Variants in CPLANE1 observed in about 807,000 individuals in gnomAD.
CPLANE1 encodes the protein ciliogenesis and planar polarity effector 1.
In CPLANE1, 263 loss-of-function variants were observed where a neutral mutation model predicts 362.5. That is an observed-to-expected ratio of 0.73 (90% CI 0.66 to 0.80). The LOEUF (loss-of-function observed/expected upper bound fraction) is 0.80. CPLANE1 is among the 30% of genes least tolerant of loss of function. CPLANE1 has a pLI of 0.00. For synonymous variants in CPLANE1, 1,212 were observed against 1,302.6 expected (o/e 0.93, Z 1.50); for missense variants, 3,461 against 3,793.4 (o/e 0.91, Z 2.30).
intron 16 of CPLANE1, among the ~76,000 whole-genome samples, chr5:37,213,217 G>C (rs540354240): frequency 6.6e-6 from 1 of 152,018 alleles, no homozygotes; most frequent in Non-Finnish European, 1.5e-5. Context: ...TCAAAAAAAA[G>C]AAAAGATTGT....
At chr5:37,227,843 G>T in intron 9 of CPLANE1, 26 bp from the exon 10 acceptor site, 1 of 1,515,744 alleles carries the variant, frequency 6.6e-7, no homozygotes. Flanking sequence ...CAAAATACAA[G>T]AATCAGTAAG....
Position 37,226,368 on chromosome 5 carries a change from AC to A in CPLANE1, c.2226del (p.Trp742CysfsTer13), listed in dbSNP as rs1462664862. On this transcript the variant is annotated frameshift_variant, in exon 12 of 53. Coordinates refer to ENST00000651892, the MANE Select transcript of CPLANE1 (RefSeq NM_001384732.1). ...TGAATCTTGAAAAATGAGTTCCAAG[AC>A]CAGTTTTTCTGAAAACCACTATCTT... The part of the protein sequence containing the change: ...MFQDSGFQKN[W>X]SWNSFFKIHP... 6.5e-7 allele frequency: 1 copy of A among 1,548,764 alleles called. No individual in the cohort carries two copies.
chr5:37,206,168 A>G, intron 17 of CPLANE1, 29 bp downstream of exon 17: 18 of 1,338,770 alleles, frequency 1.3e-5, no homozygotes, highest in Non-Finnish European at 1.8e-5. Context: ...CAATCATACT[A>G]TATCTTAAAA....
chr5:37,114,834 G>A, intron 51 of CPLANE1, 126 bp downstream of exon 51: 1 of 599,816 alleles, frequency 1.7e-6, no homozygotes, highest in Non-Finnish European at 2.9e-6. Context: ...CGGGAGTGGA[G>A]GTTACAGTGA....
chr5:37,120,215 CCATGT>C lies in CPLANE1; in HGVS notation c.9306_9310del (p.His3103AsnfsTer32). 6.3e-7 allele frequency: 1 copy of C among 1,599,106 alleles called. No homozygotes were observed. Among genetic ancestry groups the C allele is most frequent in the Non-Finnish European group, 8.5e-7 (1 of 1,176,362 alleles). The stretch of plus-strand genomic sequence containing the variant: ...ATTTATAAAAAAGCTTTAAGTCTTA[CCATGT>C]GGCCAAGGTGAGCCTTGAGGTTGCC... On this transcript the variant is annotated frameshift_variant and splice_region_variant, in exon 50 of 53. Transcript: ENST00000651892. LOFTEE classifies it high-confidence loss of function.
intron 37 of CPLANE1, among the ~76,000 whole-genome samples, chr5:37,163,569 T>C (rs1777441797): frequency 6.6e-6 from 1 of 152,204 alleles, no homozygotes; most frequent in South Asian, 2.1e-4. Context: ...AAAGTATTAA[T>C]TATGGAGCAT....
At chr5:37,088,555 A>G in the CPLANE1 span, among the ~76,000 whole-genome samples, 1 of 152,210 alleles carries the variant, frequency 6.6e-6, no homozygotes, top group East Asian at 1.9e-4. Context: ...TGGGCAAATC[A>G]GTGCATGTGT....
rs780923577 is a variant in CPLANE1 at position 37,209,564 on chromosome 5, C to T, written c.2921-3139G>A. ...CTCAGTCCATTTCAGTGCAAGGGAG[C>T]TCCCTCTTAATAAGTGCCTCTAACT... On this transcript the variant is annotated intron_variant, in intron 16 of 52. Transcript: ENST00000651892. This position sits in a 1 kb window ranked among gnomAD's most constrained non-coding sequence, Gnocchi z 4.6. 8.6e-5 allele frequency: 114 copies of T among 1,329,402 alleles called. No homozygotes were observed. The highest frequency in any genetic ancestry group is 1.2e-4 in the Non-Finnish European group (107 of 921,962). The allele number at this position is 1,329,402 out of a possible 1,614,324, so 82.4% of individuals were successfully genotyped here.
intron 29 of CPLANE1, among the ~76,000 whole-genome samples, chr5:37,178,744 C>G (rs1384913987): frequency 6.6e-6 from 1 of 151,910 alleles, no homozygotes; most frequent in African/African-American, 2.4e-5. Context: ...AAGTATACTA[C>G]AGCTGAATTA....
chr5:37,100,533 C>T, the CPLANE1 span, among the ~76,000 whole-genome samples: 2 of 152,184 alleles, frequency 1.3e-5, no homozygotes, highest in Non-Finnish European at 2.9e-5. Flanking sequence ...ACTTTGAAGT[C>T]AGGTAGCATG....
intron 34 of CPLANE1, 30 bp downstream of exon 34, chr5:37,168,761 C>T (rs748754471): frequency 6.0e-5 from 94 of 1,573,292 alleles, no homozygotes; most frequent in Middle Eastern, 1.7e-4. Context: ...CAGGACACTG[C>T]TTTTGCATTA....
chr5:37,112,336 C>CATA (rs1425839863), intron 51 of CPLANE1, among the ~76,000 whole-genome samples: 2 of 152,144 alleles, frequency 1.3e-5, no homozygotes, highest in African/African-American at 4.8e-5. Flanking sequence ...TAATTTCCTT[C>CATA]CTTTCAGATC....
chr5:37,212,756 T>G (rs1792977432), intron 16 of CPLANE1, among the ~76,000 whole-genome samples: 1 of 152,166 alleles, frequency 6.6e-6, no homozygotes, highest in African/African-American at 2.4e-5. Flanking sequence ...AATAAAATAA[T>G]AAAAGTAAAT....
downstream of CPLANE1, among the ~76,000 whole-genome samples, chr5:37,102,629 A>G (rs1266333526): frequency 6.6e-6 from 1 of 152,138 alleles, no homozygotes; most frequent in Non-Finnish European, 1.5e-5. Context: ...ATTAATTTCA[A>G]ATAACTTCTT....
At chr5:37,111,961 C>T (rs1759483972) in intron 51 of CPLANE1, among the ~76,000 whole-genome samples, 1 of 151,896 alleles carries the variant, frequency 6.6e-6, no homozygotes, top group African/African-American at 2.4e-5. Flanking sequence ...GGTTAAGCAA[C>T]ATAACCACAA....
chr5:37,224,846 A>G (rs1306318384), intron 12 of CPLANE1, 106 bp from the exon 13 acceptor site: 1 of 657,520 alleles, frequency 1.5e-6, no homozygotes. Context: ...TCATCGGTAT[A>G]ACATACATAC....
intron 44 of CPLANE1, chr5:37,140,867 T>C: frequency 2.1e-6 from 2 of 972,454 alleles, no homozygotes; most frequent in African/African-American, 1.8e-5. Flanking sequence ...TTTTTTTTTT[T>C]TCTAGCTCAT....
intron 15 of CPLANE1, among the ~76,000 whole-genome samples, chr5:37,218,674 G>A (rs1029203737): frequency 3.9e-5 from 6 of 152,036 alleles, no homozygotes; most frequent in South Asian, 2.1e-4. Context: ...TGAGCTGGGC[G>A]CGGTGGCTCA....
chr5:37,118,420 C>CCAAGG, intron 50 of CPLANE1, among the ~76,000 whole-genome samples: 1 of 147,686 alleles, frequency 6.8e-6, no homozygotes, highest in East Asian at 2.0e-4. Flanking sequence ...AAAAAAAAGG[C>CCAAGG]CAAGAGCTAA....
Sources: gnomAD v4.1 joint callset for allele counts (sites outside exome capture counted in the v4.1 genomes callset) on GRCh38, gnomAD v4.1.1 for gene constraint, Gnocchi (gnomAD v3.1) non-coding constraint, MANE v1.5 for transcripts, NCBI Gene and HGNC (gene_info 2026-07-23, HGNC 2026-07-21) for gene names.